The following LIFR variants were observed in gnomAD, a reference collection of about 807,000 sequenced individuals.
LIFR encodes the protein LIF receptor subunit alpha, also known as leukemia inhibitory factor receptor.
In LIFR, 84 loss-of-function variants were observed where a neutral mutation model predicts 122.2. The ratio of observed to expected loss-of-function variants is 0.69; its 90% CI spans 0.58 to 0.82. LIFR has a LOEUF of 0.82. Ranked by LOEUF, LIFR falls within the 40% of genes least tolerant of loss-of-function variation. The pLI is 0.00. For missense variants in LIFR, 1,294 were observed against 1,311.6 expected (o/e 0.99, Z 0.21); for synonymous variants, 422 against 434.7 (o/e 0.97, Z 0.36).
At position 38,506,008 on chromosome 5, in the gene LIFR, T is replaced by C; in HGVS notation, c.1188A>G (p.Leu396=). ...EAPTNESYQL[L]FQMLPNQEIY... is the part of the protein sequence containing the mutation. ...TTTCTTGATTTGGAAGCATTTGAAA[T>C]AATAATTGATAGCTTTCGTTTGTAG... Residue 396 remains leucine (L), a synonymous_variant, in exon 9 of 20, where the codon TTA becomes TTG. Coordinates refer to ENST00000453190, the MANE Select transcript of LIFR (RefSeq NM_001127671.2). The C allele has an allele frequency of 6.2e-7, 1 of 1,608,108 alleles. No individual in the cohort carries two copies. The highest frequency in any genetic ancestry group is 1.1e-5 in the South Asian group (1 of 90,370).
intron 7 of LIFR, among the ~76,000 whole-genome samples, chr5:38,507,294 T>C (rs1745541011): frequency 6.6e-6 from 1 of 151,744 alleles, no homozygotes; most frequent in African/African-American, 2.4e-5. Context: ...CCAGGTGCAG[T>C]GGCTCACATC....
chr5:38,567,561 A>T (rs1160559951), intron 1 of LIFR, among the ~76,000 whole-genome samples: 1 of 132,514 alleles, frequency 7.5e-6, no homozygotes, highest in East Asian at 2.3e-4. Context: ...ACTGAGTCTC[A>T]CTCTGTTGCC....
chr5:38,595,145 G>A (rs750238131), intron 1 of LIFR: 1 of 170,990 alleles, frequency 5.8e-6, no homozygotes, highest in African/African-American at 2.4e-5. Context: ...AGCCCTGAGA[G>A]ACCCTCACAA....
At chr5:38,546,579 G>GT (rs1482839899) in intron 1 of LIFR, among the ~76,000 whole-genome samples, 1 of 152,212 alleles carries the variant, frequency 6.6e-6, no homozygotes, top group Non-Finnish European at 1.5e-5. Context: ...GTGTTCTGGA[G>GT]TTTTTCATAG....
intron 5 of LIFR, among the ~76,000 whole-genome samples, chr5:38,515,422 T>C (rs1746022644): frequency 6.6e-6 from 1 of 152,076 alleles, no homozygotes; most frequent in Non-Finnish European, 1.5e-5. Context: ...GCAAAGAATT[T>C]AGGATTAAAG....
chr5:38,599,319 T>C (rs1750180846), upstream of LIFR, among the ~76,000 whole-genome samples: 1 of 152,098 alleles, frequency 6.6e-6, no homozygotes, highest in African/African-American at 2.4e-5. Context: ...TTCAATAGAG[T>C]GACCCCAAAC....
At chr5:38,526,058 TTTTC>T (rs1442428492) in intron 4 of LIFR, among the ~76,000 whole-genome samples, 2 of 152,202 alleles carry the variant, frequency 1.3e-5, no homozygotes, top group Non-Finnish European at 2.9e-5. Flanking sequence ...GCTCCCTTTC[TTTTC>T]TTTATAGCAT....
Position 38,476,794 on chromosome 5 carries a change from T to C in LIFR, c.*4801A>G, listed in dbSNP as rs555849365. On this transcript the variant is annotated 3_prime_UTR_variant, in exon 20 of 20. Coordinates refer to ENST00000453190, the MANE Select transcript of LIFR (RefSeq NM_001127671.2). ...TTACACATAAAAACATTCAGAGGGT[T>C]TTCCCCTTAACACACAACTTTTAAT... is the stretch of plus-strand genomic sequence containing the variant. 18 of 212,026 alleles carry C rather than the reference T, an allele frequency of 8.5e-5. No homozygotes were observed. The highest frequency in any genetic ancestry group is 1.6e-4 in the Non-Finnish European group (17 of 104,804). The allele number at this position is 212,026 out of a possible 1,614,324, so 13.1% of individuals were successfully genotyped here. A position where few individuals can be genotyped will look rare whatever the true frequency, so the allele number is the denominator to read the frequency against.
At chr5:38,598,292 G>T (rs555504946), upstream of LIFR, among the ~76,000 whole-genome samples, 107 of 129,164 alleles carry the variant, frequency 8.3e-4, no homozygotes, top group Non-Finnish European at 1.4e-3. Context: ...TGTCGCCCAG[G>T]CTGGAGTACA....
intron 1 of LIFR, among the ~76,000 whole-genome samples, chr5:38,547,031 A>G (rs1747930915): frequency 6.6e-6 from 1 of 152,186 alleles, no homozygotes; most frequent in Non-Finnish European, 1.5e-5. Flanking sequence ...CAGCTCATAC[A>G]GTGTTTCTTT....
At position 38,525,116 on chromosome 5, in the gene LIFR, A is replaced by G. The variant is rs568681288; in HGVS notation, c.398-1534T>C. ...CAGGACACTAAAAAAGGTAGCAGGA[A>G]GAGTAATGTATCCTTGAAAATCATT... On this transcript the variant is annotated intron_variant, in intron 4 of 19. Coordinates refer to ENST00000453190, the MANE Select transcript of LIFR (RefSeq NM_001127671.2). 1.8e-4 allele frequency among the ~76,000 whole-genome samples: 28 copies of G among 152,322 alleles called. 1 individual carries two copies. The South Asian group carries it at 5.8e-3, about 32-fold the overall frequency.
intron 16 of LIFR, among the ~76,000 whole-genome samples, 186 bp from the exon 17 acceptor site, chr5:38,486,166 G>A (rs894282164): frequency 5.3e-5 from 8 of 152,098 alleles, no homozygotes; most frequent in African/African-American, 1.4e-4. Flanking sequence ...TGTGTCGTAT[G>A]GGCCCCTTAT....
intron 11 of LIFR, among the ~76,000 whole-genome samples, chr5:38,500,904 C>T (rs1031601799): frequency 1.3e-5 from 2 of 152,094 alleles, no homozygotes; most frequent in Non-Finnish European, 2.9e-5. Context: ...GTTCAGTCAC[C>T]GGCTCTGGGA....
chr5:38,551,644 C>T (rs886221821), intron 1 of LIFR, among the ~76,000 whole-genome samples: 4 of 152,176 alleles, frequency 2.6e-5, no homozygotes, highest in Non-Finnish European at 4.4e-5. Context: ...AGGATACTGC[C>T]GCTTAGTAAT....
At chr5:38,484,731 T>A in intron 18 of LIFR, 44 bp downstream of exon 18, 6 of 1,211,000 alleles carry the variant, frequency 5.0e-6, no homozygotes, top group Non-Finnish European at 7.4e-6. Flanking sequence ...CTTATAATCA[T>A]GCCTTTAAGA....
chr5:38,557,935 C>A (rs925310380), upstream of LIFR: 1 of 152,114 alleles, frequency 6.6e-6, no homozygotes, highest in Non-Finnish European at 1.5e-5. Context: ...AAACCAACCC[C>A]ATTTAAGATG....
intron 1 of LIFR, among the ~76,000 whole-genome samples, chr5:38,536,292 G>C (rs1747292905): frequency 6.6e-6 from 1 of 151,616 alleles, no homozygotes; most frequent in African/African-American, 2.4e-5. Context: ...AACCAACCTT[G>C]GATTGAAAAT....
rs1197291750 is a variant in LIFR at position 38,481,953 on chromosome 5, G to A, written c.2936C>T (p.Ser979Leu). 2.5e-6 allele frequency: 4 copies of A among 1,613,962 alleles called. No homozygotes were observed. The highest frequency in any genetic ancestry group is 2.5e-6 in the Non-Finnish European group (3 of 1,180,022). Residue 979 changes from serine to leucine, a missense_variant, in exon 20 of 20, where the codon TCG (serine) becomes TTG (leucine). Ser to Leu is a moderately radical substitution (Grantham distance 145, BLOSUM62 -2). Transcript: ENST00000453190. ...TGGTTTTGCTTGAGGCTGATACATC[G>A]ACTGAACATCAATGTAAATAACCTG... Reference protein sequence around the residue: ...TAQVIYIDVQSMYQPQAKPEE... With the variant: ...TAQVIYIDVQLMYQPQAKPEE...
At chr5:38,568,753 C>T (rs1749111704) in intron 1 of LIFR, among the ~76,000 whole-genome samples, 1 of 152,176 alleles carries the variant, frequency 6.6e-6, no homozygotes, top group Non-Finnish European at 1.5e-5. Context: ...ATGCACCTTA[C>T]AGCCATCAGA....
Sources: allele counts gnomAD v4.1 joint callset (sites outside exome capture counted in the v4.1 genomes callset), GRCh38; gene constraint gnomAD v4.1.1; transcripts MANE v1.5; gene names NCBI Gene and HGNC (gene_info 2026-07-23, HGNC 2026-07-21).